Variants in PRKG1 observed in about 807,000 individuals in gnomAD.
PRKG1 encodes protein kinase cGMP-dependent 1.
Under a neutral mutation model 88.1 loss-of-function variants are expected in PRKG1, and 35 were observed. The observed-to-expected ratio is 0.40, with a 90% confidence interval of 0.30 to 0.53. PRKG1 has a LOEUF of 0.53. PRKG1 is among the 20% of genes least tolerant of loss of function. The pLI is 0.59. For synonymous variants in PRKG1, 303 were observed against 292.5 expected (o/e 1.04, Z -0.37); for missense variants, 540 against 839.8 (o/e 0.64, Z 4.41).
At chr10:51,817,749 G>A (rs1242404980) in intron 4 of PRKG1, among the ~76,000 whole-genome samples, 3 of 152,136 alleles carry the variant, frequency 2.0e-5, no homozygotes, top group Non-Finnish European at 4.4e-5. Context: ...AAATGAGTAT[G>A]AAAAGTAGTT....
chr10:51,916,349 T>G (rs2132968055), intron 5 of PRKG1, among the ~76,000 whole-genome samples: 1 of 152,266 alleles, frequency 6.6e-6, no homozygotes, highest in East Asian at 1.9e-4. Context: ...ACCAGCACCA[T>G]GACAGTTTAC....
chr10:51,555,935 T>A (rs1024695958), intron 3 of PRKG1, among the ~76,000 whole-genome samples: 2 of 151,668 alleles, frequency 1.3e-5, no homozygotes, highest in Non-Finnish European at 2.9e-5. Flanking sequence ...CAACTTTCTC[T>A]CACCTCAACC....
intron 3 of PRKG1, among the ~76,000 whole-genome samples, chr10:51,636,493 C>G (rs1342032586): frequency 6.6e-6 from 1 of 152,154 alleles, no homozygotes; most frequent in African/African-American, 2.4e-5. Context: ...TCCATGAGAA[C>G]ACAGCTATGT....
chr10:51,155,518 G>T (rs993905657), intron 2 of PRKG1, among the ~76,000 whole-genome samples: 2 of 151,914 alleles, frequency 1.3e-5, no homozygotes, highest in Admixed American at 1.3e-4. Flanking sequence ...GTAGAGTCAG[G>T]GTTTATACCC....
At chr10:51,929,895 G>A (rs764318003) in intron 5 of PRKG1, among the ~76,000 whole-genome samples, 1 of 152,182 alleles carries the variant, frequency 6.6e-6, no homozygotes, top group Non-Finnish European at 1.5e-5. Flanking sequence ...AACGTACTGT[G>A]AGGATGCTGG....
intron 4 of PRKG1, among the ~76,000 whole-genome samples, chr10:51,822,926 T>G (rs1286448434): frequency 6.6e-6 from 1 of 152,118 alleles, no homozygotes; most frequent in Admixed American, 6.6e-5. Flanking sequence ...AAATATGATA[T>G]GGAGATTCAT....
chr10:51,476,864 G>A (rs1840209454), intron 3 of PRKG1, among the ~76,000 whole-genome samples: 1 of 151,924 alleles, frequency 6.6e-6, no homozygotes. Context: ...GGGTTACTCT[G>A]AGTACCTAAG....
intron 2 of PRKG1, among the ~76,000 whole-genome samples, chr10:51,372,338 A>T (rs1287400301): frequency 1.3e-5 from 2 of 152,210 alleles, no homozygotes; most frequent in Admixed American, 1.3e-4. Context: ...TTTTGCTAAC[A>T]TATAAAAGTA....
chr10:52,060,418 G>A (rs1442111222), intron 6 of PRKG1, among the ~76,000 whole-genome samples: 1 of 151,814 alleles, frequency 6.6e-6, no homozygotes, highest in Admixed American at 6.6e-5. Context: ...ATTAATACAT[G>A]TGTTCAACAG....
chr10:51,148,129 A>T, intron 1 of PRKG1: 1 of 447,948 alleles, frequency 2.2e-6, no homozygotes, highest in Non-Finnish European at 3.0e-6. Context: ...GTCCTTTGAA[A>T]ATAACTCGGA....
intron 3 of PRKG1, among the ~76,000 whole-genome samples, chr10:51,690,061 G>C (rs753998274): frequency 4.6e-5 from 7 of 152,150 alleles, no homozygotes; most frequent in Non-Finnish European, 1.0e-4. Context: ...CTTCTGGGGA[G>C]ACCTCAGGGA....
chr10:51,325,791 G>A (rs922810381), intron 2 of PRKG1, among the ~76,000 whole-genome samples: 3 of 152,108 alleles, frequency 2.0e-5, no homozygotes, highest in African/African-American at 7.2e-5. Context: ...GCCTCTCTGA[G>A]CCAACAAGAC....
intron 5 of PRKG1, among the ~76,000 whole-genome samples, chr10:52,029,112 G>T (rs568346872): frequency 2.6e-5 from 4 of 152,136 alleles, no homozygotes; most frequent in Non-Finnish European, 4.4e-5. Flanking sequence ...CTAATAGAGC[G>T]GGCTGGACTT....
chr10:51,960,483 A>AT (rs370101105), intron 5 of PRKG1, among the ~76,000 whole-genome samples: 4 of 151,958 alleles, frequency 2.6e-5, no homozygotes, highest in African/African-American at 4.8e-5. Flanking sequence ...AAGATGGGAT[A>AT]TTTTTTCCTG....
chr10:51,613,798 T>G (rs886108765), intron 3 of PRKG1, among the ~76,000 whole-genome samples: 7 of 151,950 alleles, frequency 4.6e-5, no homozygotes, highest in Non-Finnish European at 1.0e-4. Flanking sequence ...CTTTCCAAAG[T>G]GCATTTTGGT....
rs568685584 is a variant in PRKG1 at position 51,999,659 on chromosome 10, ATACTT to A, written c.763-54823_763-54819del. Among the ~76,000 whole-genome samples, 446 of 152,182 alleles carry A rather than the reference ATACTT, an allele frequency of 2.9e-3. 2 individuals are homozygous for A. Among genetic ancestry groups the A allele is most frequent in the African/African-American group, 0.01 (433 of 41,542 alleles). On this transcript the variant is annotated intron_variant, in intron 5 of 17. Transcript: ENST00000373980. ...TGGATACATAATTCTTTTCTTTAGA[ATACTT>A]TGCATATACTTTAAGAGTTTATATA... is the stretch of plus-strand genomic sequence containing the variant.
intron 2 of PRKG1, among the ~76,000 whole-genome samples, chr10:51,289,172 G>C (rs536607550): frequency 1.3e-5 from 2 of 152,074 alleles, no homozygotes; most frequent in African/African-American, 4.8e-5. Flanking sequence ...AAGTCCATGA[G>C]CAAGTCCAGG....
intron 2 of PRKG1, among the ~76,000 whole-genome samples, chr10:51,271,867 G>A (rs967826209): frequency 2.6e-5 from 4 of 152,208 alleles, no homozygotes; most frequent in Non-Finnish European, 5.9e-5. Context: ...GAATAGTGCT[G>A]TAATAAACAT....
rs148780812 is a variant in PRKG1, at chr10:51,074,605, G to T, written c.15G>T (p.Arg5=). The change falls in exon 1 of 18, where the codon CGG becomes CGT. Residue 5 remains arginine (R), a synonymous_variant. Coordinates refer to ENST00000373980, the MANE Select transcript of PRKG1 (RefSeq NM_006258.4). ...CCCGGAGGAGCATGGGCACCTTGCG[G>T]GATTTACAGTACGCGCTCCAGGAGA... is the stretch of plus-strand genomic sequence containing the variant. MGTL[R]DLQYALQEKI... is the part of the protein sequence containing the mutation. The T allele has an allele frequency of 2.5e-5, 41 of 1,612,204 alleles. No homozygotes were observed. In the African/African-American group the frequency reaches 3.5e-4, roughly 14 times the overall value.
Sources: allele counts gnomAD v4.1 joint callset (sites outside exome capture counted in the v4.1 genomes callset), GRCh38; gene constraint gnomAD v4.1.1; transcripts MANE v1.5; gene names NCBI Gene and HGNC (gene_info 2026-07-23, HGNC 2026-07-21).